The following NBPF14 variants were observed in gnomAD, a reference collection of about 807,000 sequenced individuals.
NBPF14 encodes NBPF member 14.
In NBPF14, 104 loss-of-function variants were observed where a neutral mutation model predicts 91.2. The ratio of observed to expected loss-of-function variants is 1.14; its 90% CI spans 0.97 to 1.34. NBPF14 has a LOEUF of 1.34. Among genes scored for constraint, NBPF14 ranks in the 40% most tolerant of loss-of-function variants. The pLI is 0.00. For synonymous variants in NBPF14, 294 were observed against 303.8 expected (o/e 0.97, Z 0.34); for missense variants, 908 against 783.0 (o/e 1.16, Z -1.91).
At chr1:148,592,028 G>A (rs1404574009) in intron 4 of NBPF14, among the ~76,000 whole-genome samples, 3 of 138,088 alleles carry the variant, frequency 2.2e-5, no homozygotes, top group African/African-American at 7.8e-5. Context: ...CCCACATCAA[G>A]TGCCTTCTCC....
chr1:148,579,746 C>A (rs1280789832), intron 12 of NBPF14, among the ~76,000 whole-genome samples: 11 of 152,212 alleles, frequency 7.2e-5, no homozygotes, highest in Non-Finnish European at 1.0e-4. Flanking sequence ...CATATATACA[C>A]CTCTCCCTGG....
intron 7 of NBPF14, 121 bp from the exon 8 acceptor site, chr1:148,587,524 G>C (rs1308687656): frequency 3.7e-6 from 4 of 1,088,528 alleles, no homozygotes; most frequent in Admixed American, 3.8e-5. Context: ...CCAGGGTCTA[G>C]ACAGGGATTT....
exon 8 of NBPF14, chr1:148,587,348 G>A: frequency 6.3e-7 from 1 of 1,583,020 alleles, no homozygotes; most frequent in East Asian, 2.2e-5. Flanking sequence ...TCTCCTCCTT[G>A]AACTGTCGCT....
intron 7 of NBPF14, among the ~76,000 whole-genome samples, 159 bp from the exon 8 acceptor site, chr1:148,587,562 C>A (rs1276205107): frequency 6.8e-5 from 10 of 147,346 alleles, no homozygotes; most frequent in African/African-American, 2.2e-4. Context: ...AGTCTCCTGA[C>A]TTTCTGGCAT....
chr1:148,535,428 A>G lies in NBPF14; in HGVS notation c.8441+25T>C, dbSNP rs1421491478. The G allele has an allele frequency of 6.0e-6, 3 of 498,974 alleles. No individual in the cohort carries two copies. In the African/African-American group the frequency reaches 9.6e-5, roughly 16 times the overall value. The allele number at this position is 498,974 out of a possible 1,614,324, so 30.9% of individuals were successfully genotyped here. A position where few individuals can be genotyped will look rare whatever the true frequency, so the allele number is the denominator to read the frequency against. On this transcript the variant is annotated intron_variant, in intron 68 of 70. Transcript: ENST00000619423. ...ATCTCCAGGTGTCAACACAGAATTA[A>G]GCATCCATAATTGCTCAAAGTTACC...
At chr1:148,559,713 T>C in intron 37 of NBPF14, 80 bp downstream of exon 37, 1 of 765,654 alleles carries the variant, frequency 1.3e-6, no homozygotes, top group Non-Finnish European at 2.2e-6. Flanking sequence ...CTCAGCTCAG[T>C]AAGGGCCACT....
At chr1:148,542,202 T>C (rs1434612321) in intron 59 of NBPF14, among the ~76,000 whole-genome samples, 15 of 85,654 alleles carry the variant, frequency 1.8e-4, no homozygotes, top group Non-Finnish European at 2.1e-4. Context: ...AGATTGTTCA[T>C]GGTTGTGAGG....
At chr1:148,534,300 GC>G (rs1250665553) in intron 69 of NBPF14, among the ~76,000 whole-genome samples, 2 of 151,758 alleles carry the variant, frequency 1.3e-5, no homozygotes, top group African/African-American at 4.8e-5. Flanking sequence ...GCAATATTTA[GC>G]CCTGTCTCAT....
At chr1:148,566,542 A>AACACAC (rs1183408341) in intron 28 of NBPF14, among the ~76,000 whole-genome samples, 4 of 90,938 alleles carry the variant, frequency 4.4e-5, no homozygotes, top group African/African-American at 1.5e-4. Context: ...CACACACACA[A>AACACAC]ACACACACAC....
intron 67 of NBPF14, among the ~76,000 whole-genome samples, chr1:148,536,013 G>C (rs1302906114): frequency 6.6e-6 from 1 of 150,382 alleles, no homozygotes; most frequent in Non-Finnish European, 1.5e-5. Context: ...CCACAGGCAT[G>C]GCCTGAGACT....
Position 148,566,343 on chromosome 1 carries a change from A to G in NBPF14, c.3543-28T>C, listed in dbSNP as rs1254702927. On this transcript the variant is annotated intron_variant, in intron 28 of 70. Coordinates refer to ENST00000619423, the Ensembl canonical transcript of NBPF14. ...GGAAAAGGAGGAAAAGGTAAAGAAT[A>G]AGCCAGGGGAAATCAGACACAACAG... 44 of 757,602 alleles carry G rather than the reference A, an allele frequency of 5.8e-5. 2 individuals carry two copies. The highest frequency in any genetic ancestry group is 5.2e-4 in the South Asian group (37 of 70,900). 46.9% of individuals were successfully genotyped at this position (757,602 alleles called of 1,614,324 possible).
chr1:148,559,826 G>C (rs1657395612), exon 37 of NBPF14: 3 of 1,534,588 alleles, frequency 2.0e-6, no homozygotes, highest in East Asian at 2.5e-5. Context: ...ACACGCTGCT[G>C]CTCCAATATG....
chr1:148,587,556 T>C (rs1661754039), intron 7 of NBPF14, among the ~76,000 whole-genome samples, 153 bp from the exon 8 acceptor site: 1 of 147,294 alleles, frequency 6.8e-6, no homozygotes, highest in African/African-American at 2.5e-5. Flanking sequence ...CTCTTCAGTC[T>C]CCTGACTTTC....
chr1:148,581,530 A>G lies in NBPF14; in HGVS notation c.1637+1611T>C, dbSNP rs1408555568. ...CCTCTCCAGCACCTTCAACATTCTG[A>G]AAGAAAAGAATTTTCAACCAAGAAT... On this transcript the variant is annotated intron_variant, in intron 12 of 70. Coordinates refer to ENST00000619423, the Ensembl canonical transcript of NBPF14. 2.2e-4 allele frequency among the ~76,000 whole-genome samples: 34 copies of G among 152,006 alleles called. 1 individual carries two copies. The highest frequency in any genetic ancestry group is 8.0e-4 in the African/African-American group (33 of 41,312).
In NBPF14 at chr1:148,566,302, G is replaced by A; in HGVS notation, c.3556C>T (p.Leu1186=). 3 of 703,916 alleles carry A rather than the reference G, an allele frequency of 4.3e-6. No individual in the cohort carries two copies. The South Asian group carries it at 4.5e-5, about 11-fold the overall frequency. The allele number at this position is 703,916 out of a possible 1,614,324, so 43.6% of individuals were successfully genotyped here. Residue 1186 remains leucine (L), a synonymous_variant, in exon 29 of 71, where the codon CTG becomes TTG. Transcript: ENST00000619423. ...ACTTCAGGCTCTACTACCTCCAGCA[G>A]CTCCCTGCTGAGCCTGGAAAAGGAG...
At chr1:148,534,284 A>C (rs1325172519) in intron 69 of NBPF14, among the ~76,000 whole-genome samples, 1 of 151,806 alleles carries the variant, frequency 6.6e-6, no homozygotes, top group Non-Finnish European at 1.5e-5. Flanking sequence ...TTCTAGGAGA[A>C]AAACTGCAAT....
At chr1:148,560,470 A>C in intron 36 of NBPF14, 114 bp downstream of exon 36, 1 of 313,572 alleles carries the variant, frequency 3.2e-6, no homozygotes, top group South Asian at 3.3e-5. Flanking sequence ...CAATGACAGT[A>C]GGAGTAATTC....
At chr1:148,532,186 G>T (rs1161245344) in exon 71 of NBPF14, 9 of 152,256 alleles carry the variant, frequency 5.9e-5, no homozygotes, top group Non-Finnish European at 2.9e-5. Context: ...AAGGAGACAG[G>T]TCAGTTGTCC....
At chr1:148,592,519 GT>G (rs1662687584) in intron 4 of NBPF14, 32 bp downstream of exon 4, 1 of 1,214,498 alleles carries the variant, frequency 8.2e-7, no homozygotes, top group African/African-American at 1.5e-5. Flanking sequence ...TAAGCCTGGG[GT>G]TTTGGGTCAT....
Sources: gnomAD v4.1 joint callset for allele counts (sites outside exome capture counted in the v4.1 genomes callset) on GRCh38, gnomAD v4.1.1 for gene constraint, MANE v1.5 for transcripts, NCBI Gene and HGNC (gene_info 2026-07-23, HGNC 2026-07-21) for gene names.